Variants in LYN observed in about 807,000 individuals in gnomAD.
LYN encodes tyrosine-protein kinase Lyn.
In LYN, 12 loss-of-function variants were observed where a neutral mutation model predicts 65.0. That is an observed-to-expected ratio of 0.18 (90% CI 0.12 to 0.30). The LOEUF (loss-of-function observed/expected upper bound fraction) is 0.30. Among genes scored for constraint, LYN ranks in the 10% least tolerant of loss-of-function variants. LYN has a pLI of 1.00. For missense variants in LYN, 380 were observed against 623.2 expected, an observed-to-expected ratio of 0.61 and a Z score of 4.16; for synonymous variants, 222 against 221.2, an observed-to-expected ratio of 1.00 and a Z score of -0.03.
At chr8:55,880,518 G>A (rs1804623154) in intron 1 of LYN, among the ~76,000 whole-genome samples, 1 of 152,228 alleles carries the variant, frequency 6.6e-6, no homozygotes, top group Admixed American at 6.5e-5. Context: ...GCGCGCGGCG[G>A]GGATACTGGA....
chr8:55,910,265 T>C (rs184808990), intron 1 of LYN, among the ~76,000 whole-genome samples: 22 of 152,342 alleles, frequency 1.4e-4, no homozygotes, highest in Non-Finnish European at 2.5e-4. Flanking sequence ...TCTTCTAGTA[T>C]TTTTATGCTT....
chr8:55,951,432 G>A (rs202196994), intron 6 of LYN, among the ~76,000 whole-genome samples: 1 of 151,736 alleles, frequency 6.6e-6, no homozygotes, highest in Non-Finnish European at 1.5e-5. Flanking sequence ...TTGGGAGGCC[G>A]AGACTGAGAA....
intron 1 of LYN, among the ~76,000 whole-genome samples, chr8:55,886,584 A>AT (rs1585561219): frequency 6.6e-6 from 1 of 152,204 alleles, no homozygotes; most frequent in East Asian, 1.9e-4. Flanking sequence ...AGCAAGAAAC[A>AT]TTTTACCTTG....
chr8:55,942,429 AT>A (rs1806649389), intron 2 of LYN, among the ~76,000 whole-genome samples: 1 of 143,052 alleles, frequency 7.0e-6, no homozygotes, highest in Non-Finnish European at 1.5e-5. Flanking sequence ...GTATATATAT[AT>A]ATGTGTGTGT....
chr8:56,012,175 G>A lies in LYN; in HGVS notation c.*2065G>A, dbSNP rs998058365. ...TGTCCAGCATGTGTGGAAGTCACAC[G>A]TTCCCTTGATGAACAGCACACACAG... On this transcript the variant is annotated 3_prime_UTR_variant, in exon 13 of 13. Transcript: ENST00000519728. The A allele has an allele frequency of 7.6e-5, 14 of 184,896 alleles. No individual in the cohort carries two copies. Among genetic ancestry groups the A allele is most frequent in the South Asian group, 2.0e-4 (1 of 5,124 alleles). The allele number at this position is 184,896 out of a possible 1,614,324, so 11.5% of individuals were successfully genotyped here. A position where few individuals can be genotyped will look rare whatever the true frequency, so the allele number is the denominator to read the frequency against.
In LYN at chr8:55,928,766, A is replaced by G. The variant is rs1408015330; in HGVS notation, c.-5-13089A>G. The stretch of plus-strand genomic sequence containing the variant: ...AGTTCAATTTATAATTTTTTCTTTC[A>G]TGGATCATTTTTTCTTTCATGGATC... On this transcript the variant is annotated intron_variant, in intron 1 of 12. Transcript: ENST00000519728. 2.7e-5 allele frequency among the ~76,000 whole-genome samples: 4 copies of G among 150,648 alleles called. No homozygotes were observed. In the South Asian group the frequency reaches 6.2e-4, roughly 23 times the overall value.
At chr8:56,006,869 A>C (rs928589454) in intron 12 of LYN, among the ~76,000 whole-genome samples, 1 of 152,096 alleles carries the variant, frequency 6.6e-6, no homozygotes, top group East Asian at 1.9e-4. Flanking sequence ...TCCTCTTCTT[A>C]TTTCTTTCTT....
At chr8:56,004,682 C>T (rs1184018864) in intron 12 of LYN, among the ~76,000 whole-genome samples, 2 of 152,164 alleles carry the variant, frequency 1.3e-5, no homozygotes, top group African/African-American at 2.4e-5. Flanking sequence ...CTTATTCTAG[C>T]GTTTGCTGCA....
At chr8:55,949,734 T>G (rs1806888371) in intron 4 of LYN, among the ~76,000 whole-genome samples, 7 of 152,234 alleles carry the variant, frequency 4.6e-5, no homozygotes. Flanking sequence ...GCTTCTTTTC[T>G]TTGTCTCTCT....
At chr8:55,916,585 T>C (rs1468542528) in intron 1 of LYN, among the ~76,000 whole-genome samples, 2 of 152,178 alleles carry the variant, frequency 1.3e-5, no homozygotes, top group Non-Finnish European at 2.9e-5. Flanking sequence ...TTGACGATGA[T>C]CCCTGAGTGC....
chr8:55,937,119 G>A (rs1023097457), intron 1 of LYN, among the ~76,000 whole-genome samples: 3 of 152,174 alleles, frequency 2.0e-5, no homozygotes, highest in Non-Finnish European at 4.4e-5. Flanking sequence ...CCTTACTTCA[G>A]AATATGTTGT....
At chr8:55,998,011 G>A (rs1229990341) in intron 10 of LYN, among the ~76,000 whole-genome samples, 2 of 152,158 alleles carry the variant, frequency 1.3e-5, no homozygotes, top group Non-Finnish European at 2.9e-5. Flanking sequence ...GTGAACCCAG[G>A]AGGTGGAGCT....
intron 10 of LYN, among the ~76,000 whole-genome samples, chr8:55,977,160 G>A (rs977478346): frequency 6.6e-6 from 1 of 151,994 alleles, no homozygotes; most frequent in Non-Finnish European, 1.5e-5. Context: ...ACTCCAGCCT[G>A]GGCAACAAGA....
intron 1 of LYN, among the ~76,000 whole-genome samples, chr8:55,924,759 T>C: frequency 6.6e-6 from 1 of 152,186 alleles, no homozygotes; most frequent in Non-Finnish European, 1.5e-5. Flanking sequence ...ACAGTGACTC[T>C]CCAGTTCACT....
intron 3 of LYN, among the ~76,000 whole-genome samples, chr8:55,947,327 G>A (rs765363749): frequency 1.2e-4 from 18 of 152,222 alleles, no homozygotes; most frequent in Non-Finnish European, 1.6e-4. Context: ...TCCACATCTT[G>A]GCTATTTTGA....
rs772540756 is a variant in LYN, at chr8:55,998,390, C to T, written c.1095C>T (p.His365=). 6.2e-7 allele frequency: 1 copy of T among 1,614,062 alleles called. No homozygotes were observed. Among genetic ancestry groups the T allele is most frequent in the South Asian group, 1.1e-5 (1 of 91,080 alleles). ...ACATCGAGCGGAAGAACTACATTCA[C>T]CGGGACCTGCGAGCAGCTAATGTTC... ...MAYIERKNYI[H]RDLRAANVLV... The change falls in exon 11 of 13, where the codon CAC becomes CAT. Residue 365 remains histidine (H), a synonymous_variant. Coordinates refer to ENST00000519728, the MANE Select transcript of LYN (RefSeq NM_002350.4).
intron 12 of LYN, among the ~76,000 whole-genome samples, chr8:56,004,588 G>T (rs1585685700): frequency 6.6e-6 from 1 of 152,034 alleles, no homozygotes; most frequent in Admixed American, 6.6e-5. Flanking sequence ...GCCACCGTGT[G>T]CAGCCACAAA....
intron 10 of LYN, among the ~76,000 whole-genome samples, chr8:55,994,989 C>T (rs915240429): frequency 6.6e-6 from 1 of 152,202 alleles, no homozygotes; most frequent in African/African-American, 2.4e-5. Context: ...GATCTTCGCT[C>T]TCCACTTTTC....
At chr8:56,003,342 C>T (rs1349846468) in intron 12 of LYN, among the ~76,000 whole-genome samples, 4 of 152,004 alleles carry the variant, frequency 2.6e-5, no homozygotes, top group Non-Finnish European at 5.9e-5. Flanking sequence ...ATTACAGGCA[C>T]GAGCCACCTC....
Sources: gnomAD v4.1 joint callset for allele counts (sites outside exome capture counted in the v4.1 genomes callset) on GRCh38, gnomAD v4.1.1 for gene constraint, MANE v1.5 for transcripts, NCBI Gene and HGNC (gene_info 2026-07-23, HGNC 2026-07-21) for gene names.